CFAP20DC: variants seen among roughly 807,000 people sequenced by gnomAD.
The protein encoded by CFAP20DC is CFAP20 domain containing, also known as protein CFAP20DC.
Under a neutral mutation model 101.7 loss-of-function variants are expected in CFAP20DC, and 84 were observed. That is an observed-to-expected ratio of 0.83 (90% CI 0.69 to 0.99). The LOEUF is 0.99. CFAP20DC is among the 50% of genes least tolerant of loss of function. CFAP20DC has a pLI of 0.00. For synonymous variants in CFAP20DC, 359 were observed against 351.2 expected (o/e 1.02, Z -0.25); for missense variants, 1,007 against 970.3 (o/e 1.04, Z -0.50).
At chr3:58,779,293 C>A (rs920879989) in intron 15 of CFAP20DC, among the ~76,000 whole-genome samples, 1 of 152,028 alleles carries the variant, frequency 6.6e-6, no homozygotes, top group Non-Finnish European at 1.5e-5. Flanking sequence ...ACCAAACACA[C>A]ATAGACTAAA....
intron 5 of CFAP20DC, among the ~76,000 whole-genome samples, chr3:58,924,856 G>A (rs1296378005): frequency 2.0e-5 from 3 of 151,598 alleles, no homozygotes; most frequent in Non-Finnish European, 4.4e-5. Flanking sequence ...TCATATTTTT[G>A]TTGGCCACTG....
intron 14 of CFAP20DC, among the ~76,000 whole-genome samples, chr3:58,810,640 G>T (rs537530511): frequency 6.7e-6 from 1 of 148,496 alleles, no homozygotes; most frequent in Admixed American, 6.6e-5. Context: ...TTGAAAACTG[G>T]CACAAGACAG....
intron 4 of CFAP20DC, among the ~76,000 whole-genome samples, chr3:58,976,676 G>A (rs2092292554): frequency 6.6e-6 from 1 of 152,092 alleles, no homozygotes; most frequent in African/African-American, 2.4e-5. Context: ...CAGATTCCCA[G>A]CTGGGGCCCC....
chr3:58,966,305 C>T (rs2091521358), intron 4 of CFAP20DC, among the ~76,000 whole-genome samples: 1 of 152,140 alleles, frequency 6.6e-6, no homozygotes, highest in Non-Finnish European at 1.5e-5. Flanking sequence ...GGCCAGACCA[C>T]TATGTCCTTA....
chr3:58,980,965 T>G (rs56734584), intron 4 of CFAP20DC, among the ~76,000 whole-genome samples: 240 of 152,280 alleles, frequency 1.6e-3, no homozygotes, highest in African/African-American at 5.7e-3. Flanking sequence ...CCCCATTGTC[T>G]CAGCCCAAAA....
At chr3:58,995,303 A>G (rs2093078889) in intron 4 of CFAP20DC, among the ~76,000 whole-genome samples, 1 of 152,042 alleles carries the variant, frequency 6.6e-6, no homozygotes. Flanking sequence ...AAAAATTCCC[A>G]GAACAACCAC....
intron 14 of CFAP20DC, among the ~76,000 whole-genome samples, chr3:58,808,298 TA>T (rs2074286274): frequency 6.6e-6 from 1 of 152,108 alleles, no homozygotes; most frequent in South Asian, 2.1e-4. Flanking sequence ...GAAAAAATGT[TA>T]AGGGCAGCCA....
At chr3:58,963,632 T>C (rs1275574805) in intron 4 of CFAP20DC, among the ~76,000 whole-genome samples, 6 of 152,148 alleles carry the variant, frequency 3.9e-5, no homozygotes, top group African/African-American at 1.4e-4. Flanking sequence ...TTAATCCCCC[T>C]TCCAGAATTT....
At chr3:59,016,320 T>C (rs896445387) in intron 4 of CFAP20DC, among the ~76,000 whole-genome samples, 3 of 152,096 alleles carry the variant, frequency 2.0e-5, no homozygotes, top group South Asian at 4.2e-4. Context: ...TTGTCACTCA[T>C]ATGTGAGGAC....
At chr3:59,030,780 G>T (rs1356396856) in intron 4 of CFAP20DC, among the ~76,000 whole-genome samples, 1 of 152,136 alleles carries the variant, frequency 6.6e-6, no homozygotes, top group Non-Finnish European at 1.5e-5. Context: ...GATATTCATT[G>T]ATTTCTCAAT....
chr3:58,781,871 C>T (rs533132352), intron 15 of CFAP20DC, among the ~76,000 whole-genome samples: 5 of 151,926 alleles, frequency 3.3e-5, no homozygotes, highest in South Asian at 2.1e-4. Context: ...AACATGAATT[C>T]TTCTTGAACT....
At chr3:58,720,601 T>C (rs1575511244) in intron 3 of CFAP20DC, among the ~76,000 whole-genome samples, 1 of 152,368 alleles carries the variant, frequency 6.6e-6, no homozygotes, top group Non-Finnish European at 1.5e-5. Flanking sequence ...ACATTATTGT[T>C]ATTTCAAAGC....
At chr3:58,871,733 G>A (rs141166215) in intron 7 of CFAP20DC, among the ~76,000 whole-genome samples, 1 of 151,960 alleles carries the variant, frequency 6.6e-6, no homozygotes, top group Non-Finnish European at 1.5e-5. Context: ...TCACCCTGTC[G>A]GCCAGGCTGG....
intron 4 of CFAP20DC, among the ~76,000 whole-genome samples, chr3:58,940,585 T>C (rs1576407503): frequency 6.6e-6 from 1 of 152,342 alleles, no homozygotes; most frequent in East Asian, 1.9e-4. Context: ...TGACCATAAA[T>C]ATATGTGTGT....
At position 58,882,100 on chromosome 3, in the gene CFAP20DC, G is replaced by A. The variant is rs376558289; in HGVS notation, c.715+2445C>T. 2.5e-4 allele frequency among the ~76,000 whole-genome samples: 38 copies of A among 152,194 alleles called. No homozygotes were observed. In the Middle Eastern group the frequency reaches 0.01, roughly 41 times the overall value. Reference sequence around the variant, plus strand: ...AATCATAAACCCTATGGTTACAAACGAATATAATTGGGATTCACAGAGCAG... The same window carrying A: ...AATCATAAACCCTATGGTTACAAACAAATATAATTGGGATTCACAGAGCAG... On this transcript the variant is annotated intron_variant, in intron 7 of 16. Transcript: ENST00000482387. The surrounding 1 kb of genome is among the most constrained non-coding windows in gnomAD (Gnocchi z 4.2).
chr3:58,762,037 T>C (rs887013570), intron 15 of CFAP20DC, among the ~76,000 whole-genome samples: 6 of 152,198 alleles, frequency 3.9e-5, no homozygotes, highest in African/African-American at 1.4e-4. Context: ...GAGAGTTCTG[T>C]AGATGTCTAT....
At chr3:58,800,595 G>A (rs2073615512) in intron 15 of CFAP20DC, among the ~76,000 whole-genome samples, 1 of 152,146 alleles carries the variant, frequency 6.6e-6, no homozygotes, top group African/African-American at 2.4e-5. Flanking sequence ...GGTCAGGACT[G>A]GAGATATAAA....
At chr3:59,008,638 C>T (rs532616357) in intron 4 of CFAP20DC, among the ~76,000 whole-genome samples, 3 of 151,912 alleles carry the variant, frequency 2.0e-5, no homozygotes, top group South Asian at 2.1e-4. Context: ...CATGTTCTCA[C>T]TCATAGGTGG....
At chr3:58,889,346 T>C (rs907222581) in intron 6 of CFAP20DC, among the ~76,000 whole-genome samples, 2 of 152,096 alleles carry the variant, frequency 1.3e-5, no homozygotes, top group South Asian at 2.1e-4. Flanking sequence ...GTATGAAACC[T>C]AACCCAGTGG....
Sources: gnomAD v4.1 joint callset for allele counts (sites outside exome capture counted in the v4.1 genomes callset) on GRCh38, gnomAD v4.1.1 for gene constraint, Gnocchi (gnomAD v3.1) non-coding constraint, MANE v1.5 for transcripts, NCBI Gene and HGNC (gene_info 2026-07-23, HGNC 2026-07-21) for gene names.